The following NUMB variants were observed in gnomAD, a reference collection of about 807,000 sequenced individuals.
The protein encoded by NUMB is protein numb homolog.
A neutral mutation model predicts 59.7 loss-of-function variants in NUMB; 29 were observed. The observed-to-expected ratio is 0.49, with a 90% CI of 0.36 to 0.66. The LOEUF is 0.66. Ranked by LOEUF, NUMB falls within the 30% of genes least tolerant of loss-of-function variation. NUMB has a pLI of 0.00. For synonymous variants in NUMB, 288 were observed against 288.2 expected (o/e 1.00, Z 0.01); for missense variants, 723 against 822.0 (o/e 0.88, Z 1.47).
chr14:73,406,096 T>TG (rs200576894), intron 2 of NUMB, among the ~76,000 whole-genome samples: 11 of 136,356 alleles, frequency 8.1e-5, no homozygotes, highest in Non-Finnish European at 1.1e-4. Context: ...ATTTTTGTTT[T>TG]TTTTTTTTTT....
intron 11 of NUMB, among the ~76,000 whole-genome samples, chr14:73,280,172 ACT>A (rs1248262787): frequency 6.6e-6 from 1 of 150,952 alleles, no homozygotes; most frequent in African/African-American, 2.4e-5. Flanking sequence ...AAAAAAAATT[ACT>A]CTTTGTTTCC....
rs546327191 is a variant in NUMB at position 73,453,442 on chromosome 14, C to T, written c.-233+5051G>A. ...CCACCACGCCTAGCCTCAAAGTGCA[C>T]GTTTAATAATCTCCAAAATATATGG... On this transcript the variant is annotated intron_variant, in intron 1 of 12. Coordinates refer to ENST00000555238, the MANE Select transcript of NUMB (RefSeq NM_001005743.2). 2.0e-4 allele frequency among the ~76,000 whole-genome samples: 31 copies of T among 151,556 alleles called. 1 individual carries two copies. The highest frequency in any genetic ancestry group is 6.3e-4 in the South Asian group (3 of 4,786).
At chr14:73,442,794 T>C (rs1883160801) in intron 1 of NUMB, among the ~76,000 whole-genome samples, 1 of 152,222 alleles carries the variant, frequency 6.6e-6, no homozygotes, top group Non-Finnish European at 1.5e-5. Flanking sequence ...TAGAAAACTT[T>C]TGGAGTGATC....
At chr14:73,338,961 G>T (rs1892492186) in intron 4 of NUMB, among the ~76,000 whole-genome samples, 1 of 152,178 alleles carries the variant, frequency 6.6e-6, no homozygotes, top group African/African-American at 2.4e-5. Context: ...ATCAGGAGTT[G>T]TTTACCACTT....
chr14:73,357,016 C>T lies in NUMB; in HGVS notation c.-15-1250G>A, dbSNP rs905931247. The T allele has an allele frequency of 7.2e-6, 7 of 966,932 alleles. No homozygotes were observed. In the African/African-American group the frequency reaches 1.2e-4, roughly 17 times the overall value. 59.9% of individuals were successfully genotyped at this position (966,932 alleles called of 1,614,324 possible). On this transcript the variant is annotated intron_variant, in intron 3 of 12. Coordinates refer to ENST00000555238, the MANE Select transcript of NUMB (RefSeq NM_001005743.2). Reference sequence around the variant, plus strand: ...CCTGGCCAGAAGAATTTCTTGCAAGCAGTATGACATCAGAATGCCTTTCCA... The same window carrying T: ...CCTGGCCAGAAGAATTTCTTGCAAGTAGTATGACATCAGAATGCCTTTCCA...
chr14:73,435,866 G>A (rs954816540), intron 1 of NUMB, among the ~76,000 whole-genome samples: 5 of 151,808 alleles, frequency 3.3e-5, no homozygotes, highest in African/African-American at 9.7e-5. Context: ...AATTAGCAGG[G>A]CATGGTAGTG....
intron 11 of NUMB, among the ~76,000 whole-genome samples, chr14:73,281,010 A>C (rs999450609): frequency 1.3e-5 from 2 of 152,054 alleles, no homozygotes; most frequent in African/African-American, 4.8e-5. Flanking sequence ...CTGTTTACCT[A>C]GAGTTTGTCT....
chr14:73,443,387 G>C (rs1253229361), intron 1 of NUMB, among the ~76,000 whole-genome samples: 1 of 152,078 alleles, frequency 6.6e-6, no homozygotes, highest in African/African-American at 2.4e-5. Context: ...CTTGAGGTCA[G>C]GAGTTCCAGA....
chr14:73,364,376 C>G (rs910988057), intron 3 of NUMB, among the ~76,000 whole-genome samples: 1 of 151,886 alleles, frequency 6.6e-6, no homozygotes, highest in Non-Finnish European at 1.5e-5. Context: ...TGGTGATGCC[C>G]GCTTATAGTC....
At chr14:73,341,658 C>T (rs1892636405) in intron 4 of NUMB, among the ~76,000 whole-genome samples, 1 of 152,124 alleles carries the variant, frequency 6.6e-6, no homozygotes, top group Admixed American at 6.5e-5. Flanking sequence ...TGGCATCAAA[C>T]AATCCTTTTG....
intron 1 of NUMB, among the ~76,000 whole-genome samples, chr14:73,441,346 G>A (rs1389469752): frequency 1.3e-5 from 2 of 151,946 alleles, no homozygotes; most frequent in Non-Finnish European, 1.5e-5. Context: ...TCAGGAATTC[G>A]AGTCCAACCT....
chr14:73,333,019 T>C (rs1279539428), intron 4 of NUMB, among the ~76,000 whole-genome samples: 2 of 152,192 alleles, frequency 1.3e-5, no homozygotes, highest in Admixed American at 1.3e-4. Flanking sequence ...CAATGGACAT[T>C]TGGACTGTGG....
At chr14:73,308,000 T>C (rs550593041) in intron 6 of NUMB, among the ~76,000 whole-genome samples, 1 of 152,090 alleles carries the variant, frequency 6.6e-6, no homozygotes, top group South Asian at 2.1e-4. Flanking sequence ...CCCAACGTGC[T>C]GGGATTACAG....
chr14:73,387,889 C>T (rs1008273787), intron 2 of NUMB, among the ~76,000 whole-genome samples: 3 of 144,422 alleles, frequency 2.1e-5, no homozygotes, highest in African/African-American at 7.8e-5. Flanking sequence ...CTTTGGGAGG[C>T]AGGAGGATCA....
intron 2 of NUMB, among the ~76,000 whole-genome samples, chr14:73,374,454 A>G (rs551063495): frequency 2.0e-3 from 301 of 152,300 alleles, no homozygotes; most frequent in Non-Finnish European, 3.7e-3. Flanking sequence ...AAGACATAAA[A>G]TATTTTCCTT....
chr14:73,283,782 G>A (rs1888797734), intron 10 of NUMB, among the ~76,000 whole-genome samples: 1 of 152,204 alleles, frequency 6.6e-6, no homozygotes, highest in Non-Finnish European at 1.5e-5. Context: ...TTGATGTTTG[G>A]GAGCAGGTTG....
Position 73,295,659 on chromosome 14 carries a change from TG to T in NUMB, c.309+1551del, listed in dbSNP as rs369105541. 1.4e-4 allele frequency among the ~76,000 whole-genome samples: 21 copies of T among 152,328 alleles called. No individual in the cohort carries two copies. The East Asian group carries it at 3.7e-3, about 27-fold the overall frequency. On this transcript the variant is annotated intron_variant, in intron 7 of 12. Coordinates refer to ENST00000555238, the MANE Select transcript of NUMB (RefSeq NM_001005743.2). ...TACCAGGCAAGTTGCCTATCAAAACTGCTTTTTACCTGCCAGACTTTCTCCC... is the reference window on the plus strand; with the variant it reads ...TACCAGGCAAGTTGCCTATCAAAACTCTTTTTACCTGCCAGACTTTCTCCC...
chr14:73,373,401 T>C (rs1894799335), intron 2 of NUMB, among the ~76,000 whole-genome samples: 2 of 152,202 alleles, frequency 1.3e-5, no homozygotes, highest in African/African-American at 4.8e-5. Flanking sequence ...GTATAATATA[T>C]TGGGCTTTAG....
intron 1 of NUMB, among the ~76,000 whole-genome samples, chr14:73,443,229 T>A (rs1249594443): frequency 6.6e-6 from 1 of 152,186 alleles, no homozygotes; most frequent in Non-Finnish European, 1.5e-5. Context: ...AAGCTATTTT[T>A]AAAATGCACA....
Sources: gnomAD v4.1 joint callset for allele counts (sites outside exome capture counted in the v4.1 genomes callset) on GRCh38, gnomAD v4.1.1 for gene constraint, MANE v1.5 for transcripts, NCBI Gene and HGNC (gene_info 2026-07-23, HGNC 2026-07-21) for gene names.